KCNAB1: variants seen among roughly 807,000 people sequenced by gnomAD.
KCNAB1 encodes potassium voltage-gated channel subfamily A regulatory beta subunit 1.
Under a neutral mutation model 64.6 loss-of-function variants are expected in KCNAB1, and 35 were observed. The ratio of observed to expected loss-of-function variants is 0.54; its 90% CI spans 0.41 to 0.72. The LOEUF (loss-of-function observed/expected upper bound fraction) is 0.72. Among genes scored for constraint, KCNAB1 ranks in the 30% least tolerant of loss-of-function variants. The pLI, the probability that KCNAB1 is intolerant of heterozygous loss-of-function variation, is 0.00. For missense variants in KCNAB1, 401 were observed against 512.9 expected (o/e 0.78, Z 2.11); for synonymous variants, 177 against 183.8 (o/e 0.96, Z 0.30).
chr3:156,211,097 T>G (rs1714975114), intron 1 of KCNAB1, among the ~76,000 whole-genome samples: 1 of 152,132 alleles, frequency 6.6e-6, no homozygotes, highest in African/African-American at 2.4e-5. Flanking sequence ...AGTATGAGTG[T>G]GGGCAGTGAA....
intron 8 of KCNAB1, among the ~76,000 whole-genome samples, chr3:156,502,677 G>A (rs12490937): frequency 0.25 from 38,380 of 151,924 alleles, 5,144 homozygotes; most frequent in South Asian, 0.35. Context: ...ATTTGTGTCA[G>A]GGAAATATCC....
At position 156,325,508 on chromosome 3, in the gene KCNAB1, A is replaced by G. The variant is rs1166676071; in HGVS notation, c.276-96108A>G. On this transcript the variant is annotated intron_variant, in intron 1 of 13. Coordinates refer to ENST00000490337, the MANE Select transcript of KCNAB1 (RefSeq NM_172160.3). ...GAAAGATTTAAAAATTAAGTAAACAAAATAACTTATCTTTCCTTTGGATAC... is the reference window on the plus strand; with the variant it reads ...GAAAGATTTAAAAATTAAGTAAACAGAATAACTTATCTTTCCTTTGGATAC... Among the ~76,000 whole-genome samples, 4 of 152,044 alleles carry G rather than the reference A, an allele frequency of 2.6e-5. No homozygotes were observed. In the East Asian group the frequency reaches 7.7e-4, roughly 29 times the overall value.
At chr3:156,141,980 T>C (rs1203534233) in intron 1 of KCNAB1, among the ~76,000 whole-genome samples, 1 of 152,254 alleles carries the variant, frequency 6.6e-6, no homozygotes, top group Non-Finnish European at 1.5e-5. Context: ...TCTCTCATTG[T>C]GGATTTCATT....
intron 1 of KCNAB1, among the ~76,000 whole-genome samples, chr3:156,337,159 C>T (rs925268303): frequency 6.6e-6 from 1 of 152,164 alleles, no homozygotes; most frequent in African/African-American, 2.4e-5. Context: ...AGACCAATAA[C>T]TCCTCCTCTA....
chr3:156,151,729 A>G (rs896971905), intron 1 of KCNAB1, among the ~76,000 whole-genome samples: 1 of 152,184 alleles, frequency 6.6e-6, no homozygotes, highest in Non-Finnish European at 1.5e-5. Flanking sequence ...ATATTTTCTT[A>G]TCCCCAATAC....
intron 3 of KCNAB1, among the ~76,000 whole-genome samples, chr3:156,455,598 T>G (rs567509070): frequency 6.6e-6 from 1 of 152,314 alleles, no homozygotes; most frequent in East Asian, 1.9e-4. Flanking sequence ...TAAGGTACCT[T>G]TAACTATAGG....
chr3:156,516,160 A>G (rs946692359), intron 10 of KCNAB1, 110 bp from the exon 11 acceptor site: 4 of 691,654 alleles, frequency 5.8e-6, no homozygotes, highest in Non-Finnish European at 2.6e-6. Flanking sequence ...TTATCTGGCC[A>G]GCTTTTCCCT....
intron 1 of KCNAB1, 144 bp from the exon 2 acceptor site, chr3:156,421,472 T>C: frequency 2.7e-6 from 2 of 750,370 alleles, no homozygotes; most frequent in Non-Finnish European, 4.4e-6. Flanking sequence ...GAGACCTGTC[T>C]CAAGACAATA....
chr3:156,391,248 A>G (rs1020206059), intron 1 of KCNAB1, among the ~76,000 whole-genome samples: 1 of 152,146 alleles, frequency 6.6e-6, no homozygotes, highest in Admixed American at 6.5e-5. Flanking sequence ...AAGTTACTTA[A>G]CTTTAACCCT....
intron 2 of KCNAB1, among the ~76,000 whole-genome samples, chr3:156,443,966 G>T (rs1263203804): frequency 1.3e-5 from 2 of 152,094 alleles, no homozygotes; most frequent in East Asian, 3.9e-4. Context: ...GGCATTACTG[G>T]TACTTGAAAG....
intron 1 of KCNAB1, among the ~76,000 whole-genome samples, chr3:156,338,058 T>G (rs1033798202): frequency 2.6e-5 from 4 of 152,106 alleles, no homozygotes; most frequent in Non-Finnish European, 5.9e-5. Flanking sequence ...CTGGGTGATA[T>G]ATGCTGCTGG....
At chr3:156,479,646 AT>A (rs1316505738) in intron 8 of KCNAB1, among the ~76,000 whole-genome samples, 1 of 152,138 alleles carries the variant, frequency 6.6e-6, no homozygotes, top group Non-Finnish European at 1.5e-5. Flanking sequence ...TTAGTTTTTT[AT>A]TTTAAAAACA....
chr3:156,273,526 T>G (rs779300396), intron 1 of KCNAB1: 130 of 454,228 alleles, frequency 2.9e-4, no homozygotes, highest in Non-Finnish European at 4.2e-4. Context: ...AGTTTTACAA[T>G]TGCTGCACTC....
At chr3:156,365,384 G>A (rs141581851) in intron 1 of KCNAB1, among the ~76,000 whole-genome samples, 117 of 152,314 alleles carry the variant, frequency 7.7e-4, no homozygotes, top group Non-Finnish European at 1.4e-3. Flanking sequence ...GCGTAGACGT[G>A]CAAGAGGCTC....
chr3:156,460,905 G>A (rs1048842911), intron 5 of KCNAB1, among the ~76,000 whole-genome samples: 3 of 152,104 alleles, frequency 2.0e-5, no homozygotes, highest in African/African-American at 7.2e-5. Flanking sequence ...ATAAACTTTT[G>A]GTAGGAATAG....
In KCNAB1 at chr3:156,291,939, A is replaced by G. The variant is rs780403107; in HGVS notation, c.276-129677A>G. ...GTCTCCATAGCCTGCACAGAGCACA[A>G]TTTGAAGAGTCGGAATGGTGAGGAC... On this transcript the variant is annotated intron_variant, in intron 1 of 13. Coordinates refer to ENST00000490337, the MANE Select transcript of KCNAB1 (RefSeq NM_172160.3). The G allele has an allele frequency of 7.4e-6, 12 of 1,614,014 alleles. No homozygotes were observed. The Admixed American group carries it at 8.3e-5, about 11-fold the overall frequency.
At chr3:156,278,990 A>AGG (rs1455250080) in intron 1 of KCNAB1, among the ~76,000 whole-genome samples, 1 of 151,030 alleles carries the variant, frequency 6.6e-6, no homozygotes, top group Non-Finnish European at 1.5e-5. Context: ...TATACTTTTA[A>AGG]GTTTTAGGGT....
chr3:156,358,244 T>A (rs2108100942), intron 1 of KCNAB1, among the ~76,000 whole-genome samples: 1 of 152,350 alleles, frequency 6.6e-6, no homozygotes, highest in Admixed American at 6.5e-5. Context: ...TGAGAATTTT[T>A]TTGATTACTT....
rs1719666035 is a variant in KCNAB1, at chr3:156,280,862, G to A, written c.276-140754G>A. On this transcript the variant is annotated intron_variant, in intron 1 of 13. Transcript: ENST00000490337. ...TTGCTTATCAGCTTAAGGAGATTTT[G>A]GGCTGAGACGATGGGGTTTTCTAGA... Among the ~76,000 whole-genome samples, 3 of 149,678 alleles carry A rather than the reference G, an allele frequency of 2.0e-5. No homozygotes were observed. The South Asian group carries it at 6.4e-4, about 32-fold the overall frequency.
Sources: allele counts gnomAD v4.1 joint callset (sites outside exome capture counted in the v4.1 genomes callset), GRCh38; gene constraint gnomAD v4.1.1; transcripts MANE v1.5; gene names NCBI Gene and HGNC (gene_info 2026-07-23, HGNC 2026-07-21).